Variants in MAP3K20 observed in about 807,000 individuals in gnomAD.
The protein encoded by MAP3K20 is HCCS-4.
MAP3K20 carries 40 observed loss-of-function variants against 85.7 expected under a neutral mutation model. The ratio of observed to expected loss-of-function variants is 0.47; its 90% confidence interval spans 0.36 to 0.61. The LOEUF (loss-of-function observed/expected upper bound fraction) is 0.61, where lower values mean the gene tolerates loss of function less well. Among genes scored for constraint, MAP3K20 ranks in the 20% least tolerant of loss-of-function variants. MAP3K20 has a pLI of 0.00. For synonymous variants in MAP3K20, 325 were observed against 327.7 expected (o/e 0.99, Z 0.09); for missense variants, 817 against 961.7 (o/e 0.85, Z 1.99).
At chr2:173,262,346 C>A (rs1189390613) in intron 18 of MAP3K20, among the ~76,000 whole-genome samples, 1 of 151,926 alleles carries the variant, frequency 6.6e-6, no homozygotes, top group African/African-American at 2.4e-5. Context: ...AAGCCTGTAA[C>A]CCCAGCACTT....
intron 2 of MAP3K20, among the ~76,000 whole-genome samples, chr2:173,147,931 T>C (rs1466813386): frequency 6.6e-6 from 1 of 152,202 alleles, no homozygotes; most frequent in Non-Finnish European, 1.5e-5. Flanking sequence ...GCATTGTCTG[T>C]AACTGGCCCC....
chr2:173,193,939 C>G (rs183134700), intron 7 of MAP3K20, among the ~76,000 whole-genome samples: 16 of 152,288 alleles, frequency 1.1e-4, no homozygotes, highest in Non-Finnish European at 2.2e-4. Context: ...ACTCGACCAC[C>G]AGCCACTGAG....
At chr2:173,108,777 A>G (rs1687858737) in intron 2 of MAP3K20, among the ~76,000 whole-genome samples, 1 of 152,248 alleles carries the variant, frequency 6.6e-6, no homozygotes, top group South Asian at 2.1e-4. Context: ...GTAAGCAAAA[A>G]TTGGAAAAGT....
At position 173,144,732 on chromosome 2, in the gene MAP3K20, C is replaced by CTCCATAT. The variant is rs1689089093; in HGVS notation, c.160-25073_160-25072insTCCATAT. Among the ~76,000 whole-genome samples the CTCCATAT allele has an allele frequency of 3.9e-5, 6 of 151,944 alleles. No homozygotes were observed. In the South Asian group the frequency reaches 1.2e-3, roughly 32 times the overall value. ...AGACCTAAATAAGTGGAGAGACATG[C>CTCCATAT]GTTTTCCATAAGTCCAGTTGTAAGA... On this transcript the variant is annotated intron_variant, in intron 2 of 19. Transcript: ENST00000375213.
At chr2:173,186,557 T>C (rs1163965726) in intron 4 of MAP3K20, among the ~76,000 whole-genome samples, 1 of 143,634 alleles carries the variant, frequency 7.0e-6, no homozygotes, top group Non-Finnish European at 1.5e-5. Flanking sequence ...AATAGAAGAA[T>C]AAAGATTTAA....
At chr2:173,156,540 A>C (rs1351261978) in intron 2 of MAP3K20, among the ~76,000 whole-genome samples, 1 of 152,124 alleles carries the variant, frequency 6.6e-6, no homozygotes, top group African/African-American at 2.4e-5. Flanking sequence ...TTTCAGGATA[A>C]AACTGTTTCA....
Position 173,263,692 on chromosome 2 carries a change from CAT to C in MAP3K20, c.1552-50_1552-49del, listed in dbSNP as rs1685347366. On this transcript the variant is annotated intron_variant, in intron 18 of 19. Coordinates refer to ENST00000375213, the MANE Select transcript of MAP3K20 (RefSeq NM_016653.3). The stretch of plus-strand genomic sequence containing the variant: ...TTTTATATATGTGTGTCTATTTGGT[CAT>C]ATGTTTCTATTTGTCTTTTTTTTGT... 8 of 1,546,168 alleles carry C rather than the reference CAT, an allele frequency of 5.2e-6. No individual in the cohort carries two copies. In the South Asian group the frequency reaches 6.0e-5, roughly 12 times the overall value.
intron 2 of MAP3K20, among the ~76,000 whole-genome samples, chr2:173,104,579 T>C (rs1403911753): frequency 6.6e-6 from 1 of 152,202 alleles, no homozygotes; most frequent in East Asian, 1.9e-4. Flanking sequence ...TAGTCATGTA[T>C]CAATGTTGGC....
chr2:173,187,651 T>C, intron 5 of MAP3K20, 28 bp downstream of exon 5: 1 of 1,568,264 alleles, frequency 6.4e-7, no homozygotes, highest in South Asian at 1.2e-5. Context: ...TTATTTTACC[T>C]ATTTTATTAC....
At chr2:173,247,234 G>A (rs1684938022) in intron 16 of MAP3K20, among the ~76,000 whole-genome samples, 1 of 152,090 alleles carries the variant, frequency 6.6e-6, no homozygotes, top group Non-Finnish European at 1.5e-5. Flanking sequence ...GTGCTTTTAA[G>A]TCCTTATTAC....
At chr2:173,176,936 A>G (rs953629320) in intron 3 of MAP3K20, among the ~76,000 whole-genome samples, 4 of 152,234 alleles carry the variant, frequency 2.6e-5, no homozygotes, top group Admixed American at 6.5e-5. Context: ...AAGATAAGAA[A>G]TATTACTTGA....
intron 16 of MAP3K20, 151 bp from the exon 17 acceptor site, chr2:173,258,548 C>T (rs1252923574): frequency 3.5e-6 from 2 of 575,612 alleles, no homozygotes; most frequent in South Asian, 2.2e-5. Context: ...ACATAGGAAT[C>T]TAATTTCATG....
At chr2:173,168,465 T>G (rs149426345) in intron 2 of MAP3K20, among the ~76,000 whole-genome samples, 4 of 152,296 alleles carry the variant, frequency 2.6e-5, no homozygotes, top group African/African-American at 9.6e-5. Context: ...TACACCACCT[T>G]CAAAACCAGT....
intron 7 of MAP3K20, among the ~76,000 whole-genome samples, chr2:173,197,333 A>G (rs1008360302): frequency 6.6e-6 from 1 of 152,208 alleles, no homozygotes; most frequent in Non-Finnish European, 1.5e-5. Context: ...GAACTGCACA[A>G]AGATGAACAC....
chr2:173,209,715 T>G lies in MAP3K20; in HGVS notation c.745-14T>G, dbSNP rs372444102. On this transcript the variant is annotated splice_polypyrimidine_tract_variant and intron_variant, in intron 9 of 19. Coordinates refer to ENST00000375213, the MANE Select transcript of MAP3K20 (RefSeq NM_016653.3). ...TAAGTCCCAGCGAATGATTACTTATTTTCTCTTCTTCAGAAACGGCCATCA... is the reference window on the plus strand; with the variant it reads ...TAAGTCCCAGCGAATGATTACTTATGTTCTCTTCTTCAGAAACGGCCATCA... 2.1e-5 allele frequency: 34 copies of G among 1,598,366 alleles called. No homozygotes were observed. In the East Asian group the frequency reaches 5.8e-4, roughly 27 times the overall value.
At chr2:173,134,419 TATATATATA>T (rs1375659178) in intron 2 of MAP3K20, among the ~76,000 whole-genome samples, 3 of 23,138 alleles carry the variant, frequency 1.3e-4, no homozygotes, top group Non-Finnish European at 2.6e-4. Context: ...TATATATATA[TATATATATA>T]TTTTTTTTTT....
chr2:173,178,415 A>G (rs1574082033), intron 3 of MAP3K20, among the ~76,000 whole-genome samples: 1 of 152,184 alleles, frequency 6.6e-6, no homozygotes, highest in African/African-American at 2.4e-5. Context: ...AGGCCAAGGC[A>G]GGCAGATCAC....
chr2:173,221,051 C>A (rs768246565), intron 11 of MAP3K20: 1 of 961,712 alleles, frequency 1.0e-6, no homozygotes, highest in Non-Finnish European at 1.4e-6. Flanking sequence ...AATCATTTAC[C>A]TCCTGTGTAG....
chr2:173,098,236 G>A (rs1687520841), intron 2 of MAP3K20, among the ~76,000 whole-genome samples: 1 of 152,142 alleles, frequency 6.6e-6, no homozygotes, highest in East Asian at 1.9e-4. Flanking sequence ...GCTCAAGAGT[G>A]GCCACTGGTA....
Sources: allele counts gnomAD v4.1 joint callset (sites outside exome capture counted in the v4.1 genomes callset), GRCh38; gene constraint gnomAD v4.1.1; transcripts MANE v1.5; gene names NCBI Gene and HGNC (gene_info 2026-07-23, HGNC 2026-07-21).